Variants in SGMS1 observed in about 807,000 individuals in gnomAD.
The protein encoded by SGMS1 is sphingomyelin synthase 1, also known as phosphatidylcholine:ceramide cholinephosphotransferase 1.
A neutral mutation model predicts 46.2 loss-of-function variants in SGMS1; 13 were observed. That is an observed-to-expected ratio of 0.28 (90% confidence interval 0.18 to 0.45). The LOEUF (loss-of-function observed/expected upper bound fraction) is 0.45, where lower values mean the gene tolerates loss of function less well. Ranked by LOEUF, SGMS1 falls within the 20% of genes least tolerant of loss-of-function variation. SGMS1 has a pLI of 1.00. For missense variants in SGMS1, 324 were observed against 519.9 expected (o/e 0.62, Z 3.66); for synonymous variants, 203 against 187.8 (o/e 1.08, Z -0.66).
chr10:50,599,975 T>A (rs913719048), intron 1 of SGMS1, among the ~76,000 whole-genome samples: 2 of 152,234 alleles, frequency 1.3e-5, no homozygotes, highest in Non-Finnish European at 2.9e-5. Flanking sequence ...ACTGACCAAC[T>A]GAAATATGAC....
At chr10:50,522,361 T>C (rs1201483268) in intron 2 of SGMS1, among the ~76,000 whole-genome samples, 1 of 152,176 alleles carries the variant, frequency 6.6e-6, no homozygotes, top group Non-Finnish European at 1.5e-5. Context: ...ATCTTGTATC[T>C]ACCCTGTCTC....
chr10:50,494,838 C>G (rs1837597641), intron 3 of SGMS1, among the ~76,000 whole-genome samples: 1 of 151,884 alleles, frequency 6.6e-6, no homozygotes, highest in African/African-American at 2.4e-5. Flanking sequence ...AGATCGAGAC[C>G]ATCCCGGCTA....
At chr10:50,331,406 G>A (rs1197191724) in intron 7 of SGMS1, among the ~76,000 whole-genome samples, 1 of 152,184 alleles carries the variant, frequency 6.6e-6, no homozygotes, top group Non-Finnish European at 1.5e-5. Context: ...TTACAGCTGA[G>A]CCAACATCCC....
chr10:50,354,932 T>A (rs1848112805), intron 6 of SGMS1, among the ~76,000 whole-genome samples: 1 of 152,128 alleles, frequency 6.6e-6, no homozygotes, highest in African/African-American at 2.4e-5. Flanking sequence ...CATTAAAAAG[T>A]CAGGAAACAA....
chr10:50,409,413 G>T (rs980851783), intron 6 of SGMS1, among the ~76,000 whole-genome samples: 39 of 152,072 alleles, frequency 2.6e-4, no homozygotes, highest in Admixed American at 2.2e-3. Context: ...TCCCTGAACT[G>T]TTCCTGTCCA....
chr10:50,514,497 A>C (rs1837785146), intron 3 of SGMS1, among the ~76,000 whole-genome samples: 1 of 152,176 alleles, frequency 6.6e-6, no homozygotes, highest in Non-Finnish European at 1.5e-5. Flanking sequence ...CCACCTGGAC[A>C]ATTCAGGATG....
chr10:50,424,908 G>C (rs540499792), intron 6 of SGMS1, among the ~76,000 whole-genome samples: 1 of 122,954 alleles, frequency 8.1e-6, no homozygotes, highest in South Asian at 2.7e-4. Flanking sequence ...GCGAAACTCC[G>C]TCTCAAAAAA....
rs146369566 is a variant in SGMS1, at chr10:50,560,028, G to A, written c.-589+30125C>T. Among the ~76,000 whole-genome samples the A allele has an allele frequency of 3.2e-4, 48 of 148,544 alleles. No individual in the cohort carries two copies. In the East Asian group the frequency reaches 8.4e-3, roughly 26 times the overall value. On this transcript the variant is annotated intron_variant, in intron 2 of 10. Transcript: ENST00000361781. ...TTCCTTCGATTTGTTGCATACACGT[G>A]TATACACACAGATTTATATATATAA...
chr10:50,442,920 T>C (rs1463546146), intron 5 of SGMS1, among the ~76,000 whole-genome samples: 1 of 152,224 alleles, frequency 6.6e-6, no homozygotes, highest in Non-Finnish European at 1.5e-5. Context: ...TTTGGCATCT[T>C]CTTCATGAAA....
chr10:50,543,802 A>AT (rs1348347653), intron 2 of SGMS1, among the ~76,000 whole-genome samples: 5 of 151,956 alleles, frequency 3.3e-5, no homozygotes, highest in East Asian at 3.9e-4. Flanking sequence ...AAACCAAAAG[A>AT]TTTTTTTTTA....
At chr10:50,527,496 T>C (rs995763094) in intron 2 of SGMS1, among the ~76,000 whole-genome samples, 1 of 152,184 alleles carries the variant, frequency 6.6e-6, no homozygotes, top group African/African-American at 2.4e-5. Flanking sequence ...CAGCCTGTAA[T>C]TGGCAGAGCT....
chr10:50,474,170 G>A (rs1837400563), intron 3 of SGMS1: 1 of 152,188 alleles, frequency 6.6e-6, no homozygotes, highest in African/African-American at 2.4e-5. Context: ...GCAACCAAAA[G>A]ACAGAGCTTA....
At chr10:50,370,803 A>G (rs1204518968) in intron 6 of SGMS1, among the ~76,000 whole-genome samples, 1 of 151,622 alleles carries the variant, frequency 6.6e-6, no homozygotes, top group Non-Finnish European at 1.5e-5. Context: ...GGTCAGGATC[A>G]TCAATATTAC....
Position 50,372,232 on chromosome 10 carries a change from C to T in SGMS1, c.-231-27887G>A, listed in dbSNP as rs190741741. On this transcript the variant is annotated intron_variant, in intron 6 of 10. Coordinates refer to ENST00000361781, the MANE Select transcript of SGMS1 (RefSeq NM_147156.4). ...ACTAGAGAAAGAAGGTGGCCAACTA[C>T]GTTTGATCATAACATACTTATTAAA... Among the ~76,000 whole-genome samples, 312 of 152,288 alleles carry T rather than the reference C, an allele frequency of 2.0e-3. 1 individual carries two copies. The highest frequency in any genetic ancestry group is 7.2e-3 in the African/African-American group (301 of 41,542).
At chr10:50,401,356 T>G (rs1360253006) in intron 6 of SGMS1, among the ~76,000 whole-genome samples, 3 of 152,208 alleles carry the variant, frequency 2.0e-5, no homozygotes. Flanking sequence ...ATTTACCTAT[T>G]CTTTAAAAAC....
intron 5 of SGMS1, among the ~76,000 whole-genome samples, chr10:50,451,565 A>G (rs1247926080): frequency 6.6e-6 from 1 of 152,240 alleles, no homozygotes; most frequent in African/African-American, 2.4e-5. Flanking sequence ...TAATGTGGCA[A>G]TGCAGACTGA....
In SGMS1 at chr10:50,379,689, C is replaced by T. The variant is rs559542832; in HGVS notation, c.-231-35344G>A. Reference sequence around the variant, plus strand: ...AGGGTTTCCTAAGAATTCTCAAGTCCAGGACTTACATATACATTTTAAAAT... The same window carrying T: ...AGGGTTTCCTAAGAATTCTCAAGTCTAGGACTTACATATACATTTTAAAAT... On this transcript the variant is annotated intron_variant, in intron 6 of 10. Coordinates refer to ENST00000361781, the MANE Select transcript of SGMS1 (RefSeq NM_147156.4). 3.3e-5 allele frequency among the ~76,000 whole-genome samples: 5 copies of T among 152,220 alleles called. 1 individual carries two copies. The South Asian group carries it at 8.3e-4, about 25-fold the overall frequency.
chr10:50,615,849 C>G (rs1320596554), intron 1 of SGMS1, among the ~76,000 whole-genome samples: 1 of 152,146 alleles, frequency 6.6e-6, no homozygotes, highest in East Asian at 1.9e-4. Flanking sequence ...CACTGCACCA[C>G]TTCACCTCTA....
chr10:50,522,605 C>G (rs893549049), intron 2 of SGMS1, among the ~76,000 whole-genome samples: 1 of 152,140 alleles, frequency 6.6e-6, no homozygotes, highest in African/African-American at 2.4e-5. Context: ...CTGGTGGGTC[C>G]TCTTGATCCT....
Sources: allele counts gnomAD v4.1 joint callset (sites outside exome capture counted in the v4.1 genomes callset), GRCh38; gene constraint gnomAD v4.1.1; transcripts MANE v1.5; gene names NCBI Gene and HGNC (gene_info 2026-07-23, HGNC 2026-07-21).